PACSIN2: variants seen among roughly 807,000 people sequenced by gnomAD.
PACSIN2 encodes the protein protein kinase C and casein kinase substrate in neurons 2.
In PACSIN2, 25 loss-of-function variants were observed where a neutral mutation model predicts 63.8. The observed-to-expected ratio is 0.39, with a 90% CI of 0.29 to 0.55. The LOEUF is 0.55. Ranked by LOEUF, PACSIN2 falls within the 20% of genes least tolerant of loss-of-function variation. The pLI is 0.62. For synonymous variants in PACSIN2, 255 were observed against 256.2 expected (o/e 1.00, Z 0.05); for missense variants, 518 against 646.9 (o/e 0.80, Z 2.16).
intron 1 of PACSIN2, among the ~76,000 whole-genome samples, chr22:42,922,328 C>T (rs1177720834): frequency 6.6e-6 from 1 of 152,204 alleles, no homozygotes; most frequent in Non-Finnish European, 1.5e-5. Context: ...CCCCTTAACA[C>T]CCTTAATTTA....
At chr22:43,006,853 C>T (rs908374401) in intron 1 of PACSIN2, among the ~76,000 whole-genome samples, 1 of 152,110 alleles carries the variant, frequency 6.6e-6, no homozygotes, top group African/African-American at 2.4e-5. Context: ...ACCCACACAG[C>T]TACTGCATTC....
chr22:42,975,011 G>A (rs1241331915), intron 1 of PACSIN2, among the ~76,000 whole-genome samples: 4 of 152,176 alleles, frequency 2.6e-5, no homozygotes, highest in Admixed American at 2.0e-4. Context: ...ATGTGGGTCA[G>A]GGAGAGTCAG....
At chr22:42,928,245 T>A (rs1168415873) in intron 1 of PACSIN2, among the ~76,000 whole-genome samples, 1 of 152,254 alleles carries the variant, frequency 6.6e-6, no homozygotes, top group Non-Finnish European at 1.5e-5. Flanking sequence ...AAAATGTCGC[T>A]GCCTCTGAAG....
rs140500978 is a variant in PACSIN2 at position 43,004,370 on chromosome 22, C to T, written c.-78+10651G>A. ...CTCACCACTGACTCTGCACCCCCCA[C>T]GCACATCCTCCTTGGTGGCACATGC... On this transcript the variant is annotated intron_variant, in intron 1 of 10. Transcript: ENST00000263246. Among the ~76,000 whole-genome samples, 448 of 152,354 alleles carry T rather than the reference C, an allele frequency of 2.9e-3. 1 individual carries two copies. The highest frequency in any genetic ancestry group is 5.1e-3 in the Non-Finnish European group (347 of 68,026).
intron 4 of PACSIN2, 79 bp downstream of exon 4, chr22:42,890,865 GTCC>G: frequency 9.1e-7 from 1 of 1,103,308 alleles, no homozygotes; most frequent in East Asian, 2.5e-5. Flanking sequence ...GTGGCAGGAA[GTCC>G]TAGGTGCAGG....
At chr22:42,939,947 C>T (rs975624983) in intron 1 of PACSIN2, among the ~76,000 whole-genome samples, 8 of 152,220 alleles carry the variant, frequency 5.3e-5, no homozygotes, top group African/African-American at 9.6e-5. Context: ...TAGTGGCAAT[C>T]GGCGTCTACC....
intron 7 of PACSIN2, among the ~76,000 whole-genome samples, 170 bp downstream of exon 7, chr22:42,882,014 C>G (rs143492651): frequency 5.6e-4 from 85 of 152,374 alleles, no homozygotes; most frequent in Non-Finnish European, 1.2e-3. Context: ...TGCAGCCCCC[C>G]AGGACTCTAT....
At position 42,870,316 on chromosome 22, in the gene PACSIN2, G is replaced by C. The variant is rs1928001836; in HGVS notation, c.*1041C>G. On this transcript the variant is annotated 3_prime_UTR_variant, in exon 11 of 11. Transcript: ENST00000263246. The stretch of plus-strand genomic sequence containing the variant: ...CAGGCACCACGTCAGAGAGGCCCCA[G>C]GCCCACTGAGCCCGGGAGGAGACCC... The C allele has an allele frequency of 6.6e-6, 1 of 152,190 alleles. No individual in the cohort carries two copies. Among genetic ancestry groups the C allele is most frequent in the Non-Finnish European group, 1.5e-5 (1 of 68,050 alleles). The allele number at this position is 152,190 out of a possible 1,614,324, so 9.4% of individuals were successfully genotyped here. A position where few individuals can be genotyped will look rare whatever the true frequency, so the allele number is the denominator to read the frequency against.
At chr22:42,928,369 A>G (rs1932669557) in intron 1 of PACSIN2, among the ~76,000 whole-genome samples, 1 of 152,258 alleles carries the variant, frequency 6.6e-6, no homozygotes, top group African/African-American at 2.4e-5. Context: ...GAGGAAAGAA[A>G]AGAAGGTGTT....
intron 1 of PACSIN2, among the ~76,000 whole-genome samples, chr22:43,002,784 C>T (rs2146920235): frequency 6.6e-6 from 1 of 152,160 alleles, no homozygotes; most frequent in African/African-American, 2.4e-5. Context: ...GTGGAAATAA[C>T]CTAAAATGTC....
chr22:42,989,183 T>A (rs376100015), intron 1 of PACSIN2, among the ~76,000 whole-genome samples: 1 of 152,162 alleles, frequency 6.6e-6, no homozygotes, highest in African/African-American at 2.4e-5. Flanking sequence ...CTGGTCTAGT[T>A]CGTTTCTTAA....
chr22:42,933,815 TATGA>T (rs1486651726), intron 1 of PACSIN2, among the ~76,000 whole-genome samples: 1 of 152,252 alleles, frequency 6.6e-6, no homozygotes, highest in East Asian at 1.9e-4. Flanking sequence ...TCTTGGAAGT[TATGA>T]ATAAGATATT....
At chr22:42,953,113 G>T (rs1933770845) in intron 1 of PACSIN2, among the ~76,000 whole-genome samples, 1 of 151,862 alleles carries the variant, frequency 6.6e-6, no homozygotes, top group South Asian at 2.1e-4. Flanking sequence ...AAATTTGCAG[G>T]ATTTAAAAAA....
intron 1 of PACSIN2, among the ~76,000 whole-genome samples, chr22:43,000,677 AC>A (rs1438030467): frequency 6.6e-6 from 1 of 152,170 alleles, no homozygotes; most frequent in Non-Finnish European, 1.5e-5. Context: ...GTCAGCCCCA[AC>A]CCCCACATCA....
At chr22:42,990,009 TATATATACAC>T (rs1922923389) in intron 1 of PACSIN2, among the ~76,000 whole-genome samples, 1 of 65,458 alleles carries the variant, frequency 1.5e-5, no homozygotes. Context: ...TACACACACA[TATATATACAC>T]ACATATGTAT....
intron 7 of PACSIN2, among the ~76,000 whole-genome samples, chr22:42,881,370 T>G (rs1245257402): frequency 6.6e-6 from 1 of 152,144 alleles, no homozygotes; most frequent in Non-Finnish European, 1.5e-5. Flanking sequence ...AAAGGGCGAA[T>G]AGTTTGCTCA....
intron 1 of PACSIN2, among the ~76,000 whole-genome samples, chr22:42,960,901 G>T (rs1934109259): frequency 6.6e-6 from 1 of 152,150 alleles, no homozygotes; most frequent in Non-Finnish European, 1.5e-5. Flanking sequence ...AGACACTACA[G>T]GAAAGAGTAG....
chr22:43,006,062 A>C (rs1306420437), intron 1 of PACSIN2, among the ~76,000 whole-genome samples: 1 of 152,024 alleles, frequency 6.6e-6, no homozygotes, highest in Admixed American at 6.6e-5. Flanking sequence ...AAAAGTGTTG[A>C]GATTACAGGC....
intron 1 of PACSIN2, among the ~76,000 whole-genome samples, chr22:42,950,402 T>TTAGAGGGAGGGAGGGAAGGA (rs1933630279): frequency 8.5e-4 from 1 of 1,174 alleles, no homozygotes; most frequent in Non-Finnish European, 1.7e-3. Flanking sequence ...CAGATTAGGC[T>TTAGAGGGAGGGAGGGAAGGA]GAGAGGGAGG....
Sources: allele counts gnomAD v4.1 joint callset (sites outside exome capture counted in the v4.1 genomes callset), GRCh38; gene constraint gnomAD v4.1.1; transcripts MANE v1.5; gene names NCBI Gene and HGNC (gene_info 2026-07-23, HGNC 2026-07-21).